The following OTOGL variants were observed in gnomAD, a reference collection of about 807,000 sequenced individuals.
OTOGL encodes the protein otogelin like.
A neutral mutation model predicts 318.5 loss-of-function variants in OTOGL; 285 were observed. The ratio of observed to expected loss-of-function variants is 0.89; its 90% confidence interval spans 0.81 to 0.99. The LOEUF (loss-of-function observed/expected upper bound fraction) is 0.99, where lower values mean the gene tolerates loss of function less well. OTOGL is among the 50% of genes least tolerant of loss of function. The pLI is 0.00. For missense variants in OTOGL, 2,899 were observed against 2,845.6 expected (o/e 1.02, Z -0.43); for synonymous variants, 987 against 936.5 (o/e 1.05, Z -0.99).
Position 80,214,668 on chromosome 12 carries a change from G to A in OTOGL, c.168+2671G>A, listed in dbSNP as rs185737444. On this transcript the variant is annotated intron_variant, in intron 4 of 58. Coordinates refer to ENST00000547103, the MANE Select transcript of OTOGL (RefSeq NM_001378609.3). ...GAACCATGTCTCTTTTTTCAGTTCA[G>A]TTGGTATTTGTTGATGACATACCAA... is the stretch of plus-strand genomic sequence containing the variant. 1.3e-5 allele frequency among the ~76,000 whole-genome samples: 2 copies of A among 152,060 alleles called. 1 individual carries two copies. Among genetic ancestry groups the A allele is most frequent in the South Asian group, 4.2e-4 (2 of 4,818 alleles).
Position 80,271,731 on chromosome 12 carries a change from A to T in OTOGL, c.2602A>T (p.Thr868Ser), listed in dbSNP as rs200937113. 1 of 1,613,002 alleles carries T rather than the reference A, an allele frequency of 6.2e-7. No individual in the cohort carries two copies. The highest frequency in any genetic ancestry group is 8.5e-7 in the Non-Finnish European group (1 of 1,179,412). The change falls in exon 24 of 59, where the codon ACT becomes TCT. Residue 868 changes from threonine to serine, a missense_variant. By Grantham distance (58) the Thr-to-Ser change is moderately conservative (BLOSUM62 1). This residue lies in a region of OTOGL where 2,607 missense variants were observed against 2,524.9 expected (regional missense o/e 1.03). Transcript: ENST00000547103. ...ACCAGCTGGTGGTGTTAATTGTGAG[A>T]CTACATGTGCAAACCTAGCCATGAA... ...ELPAGGVNCE[T>S]TCANLAMNFT...
At chr12:80,233,126 A>G (rs1374760050) in intron 9 of OTOGL, 29 bp downstream of exon 9, 1 of 1,547,370 alleles carries the variant, frequency 6.5e-7, no homozygotes, top group Non-Finnish European at 8.8e-7. Context: ...ATGTGTGGGT[A>G]CCTTCTAAAG....
intron 29 of OTOGL, among the ~76,000 whole-genome samples, chr12:80,307,899 G>A (rs1344833009): frequency 1.4e-4 from 19 of 140,242 alleles, no homozygotes; most frequent in African/African-American, 5.4e-4. Flanking sequence ...CTCCCGGACG[G>A]GGCGGCTGGC....
chr12:80,123,353 G>A (rs988801174), intron 1 of OTOGL, among the ~76,000 whole-genome samples: 1 of 152,178 alleles, frequency 6.6e-6, no homozygotes, highest in African/African-American at 2.4e-5. Context: ...TTTGTACAAA[G>A]GACATGAACT....
At chr12:80,351,289 T>G (rs1420650738) in intron 44 of OTOGL, among the ~76,000 whole-genome samples, 1 of 147,518 alleles carries the variant, frequency 6.8e-6, no homozygotes, top group Admixed American at 6.8e-5. Context: ...CTTGCCATTG[T>G]GTTTTTTTTT....
chr12:80,355,851 T>C lies in OTOGL; in HGVS notation c.5709T>C (p.Pro1903=). ...LENGSIIPIE[P]DCDEEPTPVC... is the part of the protein sequence containing the mutation. ...ATGGAAGCATTATCCCTATAGAACCTGACTGTGATGAAGAGCCCACGCCAG... is the reference window on the plus strand; with the variant it reads ...ATGGAAGCATTATCCCTATAGAACCCGACTGTGATGAAGAGCCCACGCCAG... The change falls in exon 47 of 59, where the codon CCT becomes CCC. Residue 1903 remains proline (P), a synonymous_variant. Coordinates refer to ENST00000547103, the MANE Select transcript of OTOGL (RefSeq NM_001378609.3). The C allele has an allele frequency of 6.2e-7, 1 of 1,613,934 alleles. No individual in the cohort carries two copies. The highest frequency in any genetic ancestry group is 8.5e-7 in the Non-Finnish European group (1 of 1,179,848).
chr12:80,224,142 A>G (rs1878610251), intron 7 of OTOGL, among the ~76,000 whole-genome samples: 1 of 152,130 alleles, frequency 6.6e-6, no homozygotes, highest in Non-Finnish European at 1.5e-5. Context: ...ATTCTTCTGC[A>G]TGTGGCTAGC....
chr12:80,303,263 C>T (rs1885892459), intron 28 of OTOGL, among the ~76,000 whole-genome samples: 1 of 152,188 alleles, frequency 6.6e-6, no homozygotes, highest in Non-Finnish European at 1.5e-5. Flanking sequence ...TCACGCCATT[C>T]TCCTGCCTCA....
intron 43 of OTOGL, 136 bp from the exon 44 acceptor site, chr12:80,341,812 A>T (rs1888785333): frequency 9.3e-6 from 6 of 643,334 alleles, no homozygotes; most frequent in Non-Finnish European, 1.6e-5. Flanking sequence ...TCAATGTAAA[A>T]GTTCAAGGAT....
rs578104424 is a variant in OTOGL at position 80,135,249 on chromosome 12, C to T, written c.-20+35644C>T. 2.5e-4 allele frequency among the ~76,000 whole-genome samples: 19 copies of T among 75,600 alleles called. 1 individual carries two copies. The South Asian group carries it at 0.01, about 41-fold the overall frequency. The allele number at this position is 75,600 out of a possible 152,430, so 49.6% of individuals were successfully genotyped here. A position where few individuals can be genotyped will look rare whatever the true frequency, so the allele number is the denominator to read the frequency against. On this transcript the variant is annotated intron_variant, in intron 1 of 58. Coordinates refer to ENST00000547103, the MANE Select transcript of OTOGL (RefSeq NM_001378609.3). ...TGGGTCATTTTTTATTTCTTGAGCC[C>T]CTCCCCTCCCCTCCCCTCCCCTCCC...
At chr12:80,352,229 G>T (rs1269004733) in intron 44 of OTOGL, 66 bp from the exon 45 acceptor site, 2 of 1,386,102 alleles carry the variant, frequency 1.4e-6, no homozygotes, top group Admixed American at 4.8e-5. Flanking sequence ...AATAATCTTA[G>T]TCTAGCTTAG....
In OTOGL at chr12:80,343,509, G is replaced by GGTTTTTTTTTTTT; in HGVS notation, c.5265+1347_5265+1348insGTTTTTTTTTTTT. On this transcript the variant is annotated intron_variant, in intron 44 of 58. Transcript: ENST00000547103. Reference sequence around the variant, plus strand: ...TACATTTTTATTATTTTTTATTCTTGTTTTTTTTTTTTTTTTTTTTTTTTT... The same window carrying GGTTTTTTTTTTTT: ...TACATTTTTATTATTTTTTATTCTTGGTTTTTTTTTTTTTTTTTTTTTTTTTTTTTTTTTTTTT... 1.1e-4 allele frequency: 4 copies of GGTTTTTTTTTTTT among 35,860 alleles called. 1 individual carries two copies. Among genetic ancestry groups the GGTTTTTTTTTTTT allele is most frequent in the Non-Finnish European group, 1.5e-4 (3 of 19,834 alleles). The allele number at this position is 35,860 out of a possible 1,614,324, so 2.2% of individuals were successfully genotyped here.
chr12:80,124,549 A>AAC (rs1459652393), intron 1 of OTOGL, among the ~76,000 whole-genome samples: 3 of 152,118 alleles, frequency 2.0e-5, no homozygotes, highest in Non-Finnish European at 4.4e-5. Flanking sequence ...ATGAACTTTA[A>AAC]AGTAGTTTTT....
intron 1 of OTOGL, among the ~76,000 whole-genome samples, chr12:80,183,422 T>C (rs1875067666): frequency 6.6e-6 from 1 of 152,194 alleles, no homozygotes; most frequent in African/African-American, 2.4e-5. Flanking sequence ...AGAAATCAGG[T>C]GGATAATTAC....
At chr12:80,247,304 G>T (rs1476314833) in intron 11 of OTOGL, among the ~76,000 whole-genome samples, 1 of 147,442 alleles carries the variant, frequency 6.8e-6, no homozygotes, top group Non-Finnish European at 1.5e-5. Flanking sequence ...GACATTTAGT[G>T]CTATAAATTT....
chr12:80,328,548 G>A lies in OTOGL; in HGVS notation c.4200-117G>A, dbSNP rs965139859. The A allele has an allele frequency of 1.2e-5, 9 of 739,342 alleles. No homozygotes were observed. The Admixed American group carries it at 1.8e-4, about 15-fold the overall frequency. The allele number at this position is 739,342 out of a possible 1,614,324, so 45.8% of individuals were successfully genotyped here. On this transcript the variant is annotated intron_variant, in intron 35 of 58. Transcript: ENST00000547103. ...GGAGCAGTTGTTAGTGCTTGACAAG[G>A]GTATATAGAAGCATTTTAGGAAGAA...
At chr12:80,303,810 C>G (rs752126273) in intron 28 of OTOGL, among the ~76,000 whole-genome samples, 2 of 152,162 alleles carry the variant, frequency 1.3e-5, no homozygotes, top group African/African-American at 4.8e-5. Flanking sequence ...GATCCAATCA[C>G]CTCTCACCAG....
In OTOGL at chr12:80,313,573, A is replaced by T; in HGVS notation, c.3548A>T (p.Tyr1183Phe). The T allele has an allele frequency of 6.2e-7, 1 of 1,612,980 alleles. No homozygotes were observed. The highest frequency in any genetic ancestry group is 8.5e-7 in the Non-Finnish European group (1 of 1,179,082). ...TGTTTGTGCACTAGTATAGCTGCATATGCATACAAGTGTTGTCAGGAAGGA... is the reference window on the plus strand; with the variant it reads ...TGTTTGTGCACTAGTATAGCTGCATTTGCATACAAGTGTTGTCAGGAAGGA... ...CECLCTSIAA[Y>F]AYKCCQEGIS... Residue 1183 changes from tyrosine to phenylalanine, a missense_variant, in exon 31 of 59, where the codon TAT becomes TTT. Around this residue, in one of 3 missense-constraint regions of OTOGL, gnomAD observed 2,607 missense variants for 2,524.9 expected, o/e 1.03. Coordinates refer to ENST00000547103, the MANE Select transcript of OTOGL (RefSeq NM_001378609.3).
intron 1 of OTOGL, among the ~76,000 whole-genome samples, chr12:80,205,200 T>C (rs1469437107): frequency 6.6e-6 from 1 of 152,206 alleles, no homozygotes; most frequent in East Asian, 1.9e-4. Flanking sequence ...ATTTTCACTA[T>C]ATGGTACAAG....
Sources: gnomAD v4.1 joint callset for allele counts (sites outside exome capture counted in the v4.1 genomes callset) on GRCh38, gnomAD v4.1.1 for gene constraint, gnomAD v4.1.1 regional missense constraint, MANE v1.5 for transcripts, NCBI Gene and HGNC (gene_info 2026-07-23, HGNC 2026-07-21) for gene names.